The following CERKL variants were observed in gnomAD, a reference collection of about 807,000 sequenced individuals.
The protein encoded by CERKL is ceramide kinase-like protein.
A neutral mutation model predicts 63.4 loss-of-function variants in CERKL; 61 were observed. The observed-to-expected ratio is 0.96, with a 90% CI of 0.78 to 1.19. The LOEUF (loss-of-function observed/expected upper bound fraction) is 1.19, where lower values mean the gene tolerates loss of function less well. CERKL is among the 50% of genes most tolerant of loss of function. CERKL has a pLI of 0.00. For missense variants in CERKL, 675 were observed against 655.5 expected, an observed-to-expected ratio of 1.03 and a Z score of -0.33; for synonymous variants, 250 against 230.5, an observed-to-expected ratio of 1.08 and a Z score of -0.77.
chr2:181,626,794 A>T (rs1003252678), intron 1 of CERKL, among the ~76,000 whole-genome samples: 1 of 152,210 alleles, frequency 6.6e-6, no homozygotes, highest in Non-Finnish European at 1.5e-5. Flanking sequence ...CCTTACTACC[A>T]GAGAGGTCAT....
chr2:181,558,535 C>T lies in CERKL; in HGVS notation c.820+31G>A. 1 of 1,609,254 alleles carries T rather than the reference C, an allele frequency of 6.2e-7. No individual in the cohort carries two copies. Among genetic ancestry groups the T allele is most frequent in the East Asian group, 2.2e-5 (1 of 44,820 alleles). ...AAGAAAGGAAAAGAGGGAGAAGGGT[C>T]AGTTTAATGAATCTGTAGCCACTCC... is the stretch of plus-strand genomic sequence containing the variant. On this transcript the variant is annotated intron_variant, in intron 5 of 12. Transcript: ENST00000410087. This position sits in a 1 kb window ranked among gnomAD's most constrained non-coding sequence, Gnocchi z 4.2.
chr2:181,618,266 A>G (rs921401063), intron 1 of CERKL, among the ~76,000 whole-genome samples: 14 of 128,142 alleles, frequency 1.1e-4, no homozygotes, highest in African/African-American at 3.6e-4. Context: ...CTTACACAAT[A>G]TTTTTTTTTT....
At chr2:181,586,238 T>C (rs958804109) in intron 2 of CERKL, among the ~76,000 whole-genome samples, 9 of 152,064 alleles carry the variant, frequency 5.9e-5, no homozygotes, top group Non-Finnish European at 1.3e-4. Context: ...GACTAAACAA[T>C]TAACATTTTT....
chr2:181,579,137 A>G (rs1207243185), intron 2 of CERKL, among the ~76,000 whole-genome samples: 1 of 151,992 alleles, frequency 6.6e-6, no homozygotes, highest in Non-Finnish European at 1.5e-5. Context: ...ATACAGAAAT[A>G]ATGGTACTTT....
chr2:181,597,175 ATAG>A (rs1248405979), intron 2 of CERKL, among the ~76,000 whole-genome samples: 2 of 152,174 alleles, frequency 1.3e-5, no homozygotes, highest in Non-Finnish European at 2.9e-5. Flanking sequence ...TCCAAGATAA[ATAG>A]TAGTTTTTCC....
In CERKL at chr2:181,538,137, T is replaced by TATATTAAAATTCTAGTTTGTAC; in HGVS notation, c.*25_*46dup. ...GGTTTAAAGCATGGCCACATTTCTTTATATTAAAATTCTAGTTTGTACATT... is the reference window on the plus strand; with the variant it reads ...GGTTTAAAGCATGGCCACATTTCTTTATATTAAAATTCTAGTTTGTACATATTAAAATTCTAGTTTGTACATT... On this transcript the variant is annotated 3_prime_UTR_variant, in exon 13 of 13. Coordinates refer to ENST00000410087, the MANE Select transcript of CERKL (RefSeq NM_201548.5). 7.8e-7 allele frequency: 1 copy of TATATTAAAATTCTAGTTTGTAC among 1,287,006 alleles called. No homozygotes were observed. Among genetic ancestry groups the TATATTAAAATTCTAGTTTGTAC allele is most frequent in the Non-Finnish European group, 1.1e-6 (1 of 888,100 alleles). 79.7% of individuals were successfully genotyped at this position (1,287,006 alleles called of 1,614,324 possible).
chr2:181,630,378 G>A (rs997784370), intron 1 of CERKL, among the ~76,000 whole-genome samples: 5 of 152,142 alleles, frequency 3.3e-5, no homozygotes, highest in African/African-American at 1.2e-4. Context: ...AAAGATTTAG[G>A]TAAAGGAAAA....
At position 181,573,958 on chromosome 2, in the gene CERKL, A is replaced by C. The variant is rs527933722; in HGVS notation, c.482-74T>G. On this transcript the variant is annotated intron_variant, in intron 2 of 12. Coordinates refer to ENST00000410087, the MANE Select transcript of CERKL (RefSeq NM_201548.5). ...TTTTTCTTTCCCTTTAAAATGACAC[A>C]CAAGTCTGTTAGAATGTTATATGCA... 2.9e-4 allele frequency: 403 copies of C among 1,404,732 alleles called. 5 individuals carry two copies. The South Asian group carries it at 4.7e-3, about 16-fold the overall frequency. The allele number at this position is 1,404,732 out of a possible 1,614,324, so 87.0% of individuals were successfully genotyped here. A position where few individuals can be genotyped will look rare whatever the true frequency, so the allele number is the denominator to read the frequency against.
intron 3 of CERKL, among the ~76,000 whole-genome samples, chr2:181,567,285 C>T (rs1340292021): frequency 6.6e-6 from 1 of 152,070 alleles, no homozygotes; most frequent in South Asian, 2.1e-4. Flanking sequence ...ACAGCAAGTA[C>T]TTACAACCTT....
intron 1 of CERKL, among the ~76,000 whole-genome samples, chr2:181,629,629 T>C (rs1042945520): frequency 7.8e-5 from 8 of 102,592 alleles, no homozygotes; most frequent in Non-Finnish European, 1.7e-4. Flanking sequence ...TTAGTAGTCA[T>C]AGGCAAAAAA....
At chr2:181,603,671 T>C (rs1685549441) in intron 2 of CERKL, 166 bp downstream of exon 2, 1 of 752,532 alleles carries the variant, frequency 1.3e-6, no homozygotes. Flanking sequence ...TCAATTAATG[T>C]AGAAAAAGTA....
intron 1 of CERKL, among the ~76,000 whole-genome samples, chr2:181,631,740 T>G (rs1438824221): frequency 6.6e-5 from 10 of 152,116 alleles, no homozygotes; most frequent in Non-Finnish European, 1.3e-4. Context: ...GGCCCAAACA[T>G]GACTTAAGAG....
chr2:181,547,197 G>A (rs1225594002), intron 10 of CERKL, among the ~76,000 whole-genome samples: 2 of 152,058 alleles, frequency 1.3e-5, no homozygotes, highest in Non-Finnish European at 2.9e-5. Flanking sequence ...GTCTTTATCA[G>A]CAGCATGAAA....
chr2:181,573,004 CA>C (rs942271153), intron 3 of CERKL, among the ~76,000 whole-genome samples: 1 of 151,994 alleles, frequency 6.6e-6, no homozygotes, highest in Non-Finnish European at 1.5e-5. Flanking sequence ...TACTTTTCAT[CA>C]ATTAAAATTT....
At chr2:181,615,970 A>T (rs189833987) in intron 1 of CERKL, among the ~76,000 whole-genome samples, 82 of 152,234 alleles carry the variant, frequency 5.4e-4, no homozygotes, top group African/African-American at 1.9e-3. Flanking sequence ...ATTAGAGGGA[A>T]ATTTTTGAAC....
chr2:181,598,462 C>A (rs941318375), intron 2 of CERKL, among the ~76,000 whole-genome samples: 11 of 152,040 alleles, frequency 7.2e-5, no homozygotes, highest in South Asian at 4.2e-4. Flanking sequence ...CTATCTCCCC[C>A]CAACCAGCGA....
intron 1 of CERKL, among the ~76,000 whole-genome samples, chr2:181,650,933 CAT>C (rs1400980319): frequency 6.6e-6 from 1 of 151,946 alleles, no homozygotes; most frequent in Non-Finnish European, 1.5e-5. Flanking sequence ...AATTTGATAA[CAT>C]AGAAAAAACG....
chr2:181,538,403 AATC>A (rs941673561), intron 12 of CERKL, among the ~76,000 whole-genome samples, 159 bp from the exon 13 acceptor site: 53 of 152,294 alleles, frequency 3.5e-4, no homozygotes, highest in African/African-American at 1.2e-3. Context: ...CTGATTGATA[AATC>A]ATCAACAACA....
intron 3 of CERKL, among the ~76,000 whole-genome samples, chr2:181,572,614 GTAAATCACCTC>G (rs1415406662): frequency 6.6e-6 from 1 of 151,762 alleles, no homozygotes; most frequent in African/African-American, 2.4e-5. Context: ...TCTTTTACTT[GTAAATCACCTC>G]TAAATAAGCC....
Sources: allele counts gnomAD v4.1 joint callset (sites outside exome capture counted in the v4.1 genomes callset), GRCh38; gene constraint gnomAD v4.1.1; non-coding constraint Gnocchi (gnomAD v3.1); transcripts MANE v1.5; gene names NCBI Gene and HGNC (gene_info 2026-07-23, HGNC 2026-07-21).